GNAO1: variants seen among roughly 807,000 people sequenced by gnomAD.
GNAO1 encodes the protein G protein subunit alpha o1.
For synonymous variants in GNAO1, 164 were observed against 180.7 expected, an observed-to-expected ratio of 0.91 and a Z score of 0.74; for missense variants, 166 against 478.7, an observed-to-expected ratio of 0.35 and a Z score of 6.10.
chr16:56,325,473 T>A (rs2037622005), intron 3 of GNAO1, among the ~76,000 whole-genome samples: 4 of 152,158 alleles, frequency 2.6e-5, no homozygotes, highest in Admixed American at 2.6e-4. Context: ...CAAAACTCCA[T>A]CTCAAATTAA....
intron 3 of GNAO1, among the ~76,000 whole-genome samples, chr16:56,289,402 C>T (rs923237061): frequency 7.2e-5 from 11 of 152,170 alleles, no homozygotes; most frequent in Non-Finnish European, 1.3e-4. Context: ...GGTCCCCACC[C>T]GGTGGGGATG....
intron 3 of GNAO1, among the ~76,000 whole-genome samples, chr16:56,289,033 AG>A (rs1555504866): frequency 2.9e-4 from 39 of 136,054 alleles, no homozygotes; most frequent in East Asian, 7.2e-4. Flanking sequence ...TATCCAAAAA[AG>A]GGGGGGGGAG....
In GNAO1 at chr16:56,230,278, C is replaced by T. The variant is rs559163868; in HGVS notation, c.161+37662C>T. 2.1e-3 allele frequency among the ~76,000 whole-genome samples: 324 copies of T among 152,286 alleles called. 1 individual carries two copies. The highest frequency in any genetic ancestry group is 4.0e-3 in the Non-Finnish European group (271 of 68,014). The stretch of plus-strand genomic sequence containing the variant: ...GGGGCCTGGTCTCTTCCATGCCCCT[C>T]AGTGGGATCTTGTGCCATTCGCCCC... On this transcript the variant is annotated intron_variant, in intron 2 of 8. Transcript: ENST00000262493.
chr16:56,301,259 G>A (rs760773756), intron 3 of GNAO1: 14 of 152,208 alleles, frequency 9.2e-5, no homozygotes, highest in East Asian at 5.8e-4. Flanking sequence ...TTTGTTTCAA[G>A]CCATACCAAG....
At chr16:56,210,986 G>A (rs1470728930) in intron 2 of GNAO1, among the ~76,000 whole-genome samples, 1 of 152,106 alleles carries the variant, frequency 6.6e-6, no homozygotes. Flanking sequence ...CTTAATTGTT[G>A]TATAATTCTA....
chr16:56,213,482 G>T, intron 2 of GNAO1: 1 of 395,682 alleles, frequency 2.5e-6, no homozygotes, highest in Non-Finnish European at 4.5e-6. Flanking sequence ...GAGCGGGAGG[G>T]AATGTTAGTT....
At position 56,351,704 on chromosome 16, in the gene GNAO1, G is replaced by C. The variant is rs1446811888; in HGVS notation, c.877+167G>C. Among the ~76,000 whole-genome samples the C allele has an allele frequency of 6.6e-6, 1 of 152,170 alleles. No individual in the cohort carries two copies. Among genetic ancestry groups the C allele is most frequent in the African/African-American group, 2.4e-5 (1 of 41,434 alleles). ...AAAACAGTGCTGTGCCACCAGGTTT[G>C]GGCTTCCCAGGACACAGCCCTCAGC... On this transcript the variant is annotated intron_variant, in intron 7 of 8. Coordinates refer to ENST00000262493, the MANE Select transcript of GNAO1 (RefSeq NM_020988.3). The surrounding 1 kb of genome is among the most constrained non-coding windows in gnomAD (Gnocchi z 6.1).
At chr16:56,214,121 C>T (rs1397466780) in intron 2 of GNAO1, among the ~76,000 whole-genome samples, 3 of 152,116 alleles carry the variant, frequency 2.0e-5, no homozygotes, top group African/African-American at 4.8e-5. Context: ...TAGGAAGACT[C>T]AGTTATTTCT....
At chr16:56,348,380 C>T (rs896737211) in intron 6 of GNAO1, among the ~76,000 whole-genome samples, 2 of 152,204 alleles carry the variant, frequency 1.3e-5, no homozygotes, top group African/African-American at 4.8e-5. Flanking sequence ...CTGTCAGGAT[C>T]GCCATCTGGT....
intron 2 of GNAO1, among the ~76,000 whole-genome samples, chr16:56,262,318 C>T (rs563882812): frequency 6.6e-6 from 1 of 152,314 alleles, no homozygotes; most frequent in South Asian, 2.1e-4. Context: ...CTGTCAGAGC[C>T]CCACCTGGTC....
intron 3 of GNAO1, among the ~76,000 whole-genome samples, chr16:56,321,100 G>A (rs568233523): frequency 6.6e-6 from 1 of 152,220 alleles, no homozygotes; most frequent in East Asian, 1.9e-4. Context: ...TCAGAAGCCA[G>A]GAAAGCCAGT....
chr16:56,312,096 G>C (rs1301547021), intron 3 of GNAO1, among the ~76,000 whole-genome samples: 8 of 152,086 alleles, frequency 5.3e-5, no homozygotes, highest in Non-Finnish European at 5.9e-5. Context: ...CCCCTGGCTT[G>C]CTGATGGCCC....
At chr16:56,257,300 A>G (rs876245) in intron 2 of GNAO1, among the ~76,000 whole-genome samples, 37,519 of 152,106 alleles carry the variant, frequency 0.25, 5,061 homozygotes, top group Middle Eastern at 0.36. Context: ...GTGTTTAGAT[A>G]TTGGATTCCT....
chr16:56,309,571 G>A (rs1327265046), intron 3 of GNAO1, among the ~76,000 whole-genome samples: 1 of 152,220 alleles, frequency 6.6e-6, no homozygotes, highest in Non-Finnish European at 1.5e-5. Context: ...GGACTCAGTG[G>A]CATGACCAGA....
At chr16:56,282,070 G>T (rs749677281) in intron 3 of GNAO1, among the ~76,000 whole-genome samples, 13 of 152,158 alleles carry the variant, frequency 8.5e-5, no homozygotes, top group Non-Finnish European at 1.6e-4. Context: ...GCCTATGCCT[G>T]TTTCTCTCAA....
At chr16:56,294,233 G>A (rs137934383) in intron 3 of GNAO1, among the ~76,000 whole-genome samples, 306 of 151,970 alleles carry the variant, frequency 2.0e-3, no homozygotes, top group Non-Finnish European at 3.8e-3. Flanking sequence ...TGGGCTTCAA[G>A]CTTCCCATAG....
chr16:56,353,557 A>G (rs899227), intron 7 of GNAO1: 103,301 of 152,202 alleles, frequency 0.68, 37,003 homozygotes, highest in African/African-American at 0.92. Context: ...GTGGGCCAGC[A>G]TGGCTGGGTG....
chr16:56,268,855 G>A lies in GNAO1; in HGVS notation c.162-7076G>A, dbSNP rs566263698. On this transcript the variant is annotated intron_variant, in intron 2 of 8. Transcript: ENST00000262493. ...AGATCCTGGTCTCGTAGGTTCTGTG[G>A]AGCCCCCAATTCCTGGCATGTGGCT... Among the ~76,000 whole-genome samples, 72 of 152,270 alleles carry A rather than the reference G, an allele frequency of 4.7e-4. No individual in the cohort carries two copies. In the South Asian group the frequency reaches 0.013, roughly 28 times the overall value.
chr16:56,300,047 GCGCGCA>G (rs1480870499), intron 3 of GNAO1, among the ~76,000 whole-genome samples: 1 of 91,884 alleles, frequency 1.1e-5, no homozygotes, highest in African/African-American at 4.8e-5. Flanking sequence ...GCGCGCGCGC[GCGCGCA>G]CGCACATGTG....
Sources: allele counts gnomAD v4.1 joint callset (sites outside exome capture counted in the v4.1 genomes callset), GRCh38; gene constraint gnomAD v4.1.1; non-coding constraint Gnocchi (gnomAD v3.1); transcripts MANE v1.5; gene names NCBI Gene and HGNC (gene_info 2026-07-23, HGNC 2026-07-21).